Variants in TTC29 observed in about 807,000 individuals in gnomAD.
The protein encoded by TTC29 is tetratricopeptide repeat domain 29, also known as tetratricopeptide repeat protein 29.
TTC29 carries 49 observed loss-of-function variants against 58.1 expected under a neutral mutation model. The observed-to-expected ratio is 0.84, with a 90% CI of 0.67 to 1.07. The LOEUF (loss-of-function observed/expected upper bound fraction) is 1.07, where lower values mean the gene tolerates loss of function less well. TTC29 is among the 50% of genes least tolerant of loss of function. The pLI is 0.00. For synonymous variants in TTC29, 209 were observed against 196.8 expected, an observed-to-expected ratio of 1.06 and a Z score of -0.52; for missense variants, 582 against 555.6, an observed-to-expected ratio of 1.05 and a Z score of -0.48.
intron 10 of TTC29, among the ~76,000 whole-genome samples, chr4:146,810,588 C>CTTT (rs398051307): frequency 3.2e-3 from 307 of 96,210 alleles, no homozygotes; most frequent in Middle Eastern, 6.9e-3. Flanking sequence ...TACATACCTT[C>CTTT]TTTTTTTTTT....
chr4:146,883,770 G>A (rs1034981813), intron 6 of TTC29, among the ~76,000 whole-genome samples: 23 of 151,934 alleles, frequency 1.5e-4, no homozygotes, highest in African/African-American at 5.6e-4. Context: ...TCCTCTCCGT[G>A]CTACTCGTTA....
At chr4:146,749,821 T>A (rs1745844542) in intron 11 of TTC29, among the ~76,000 whole-genome samples, 1 of 151,918 alleles carries the variant, frequency 6.6e-6, no homozygotes. Flanking sequence ...TATGAGGGAA[T>A]CCTCAATAGA....
intron 11 of TTC29, among the ~76,000 whole-genome samples, chr4:146,725,895 C>T (rs1743749939): frequency 6.6e-6 from 1 of 152,064 alleles, no homozygotes; most frequent in African/African-American, 2.4e-5. Flanking sequence ...TTTTTAGAGT[C>T]AGGGTCTCAC....
intron 11 of TTC29, among the ~76,000 whole-genome samples, chr4:146,752,313 C>T (rs1208961775): frequency 5.5e-4 from 61 of 111,624 alleles, no homozygotes; most frequent in African/African-American, 2.6e-3. Context: ...AACTCCCATT[C>T]ACAATTGCTT....
Position 146,742,061 on chromosome 4 carries a change from C to G in TTC29, c.1331-34510G>C, listed in dbSNP as rs1041179161. Among the ~76,000 whole-genome samples, 4 of 152,314 alleles carry G rather than the reference C, an allele frequency of 2.6e-5. No homozygotes were observed. In the East Asian group the frequency reaches 7.7e-4, roughly 29 times the overall value. On this transcript the variant is annotated intron_variant, in intron 11 of 12. Transcript: ENST00000325106. ...AGAAGCCCACAGGGTCTAAATGGCACAGCTGGTAAATGGTGAGGCCATGAT... is the reference window on the plus strand; with the variant it reads ...AGAAGCCCACAGGGTCTAAATGGCAGAGCTGGTAAATGGTGAGGCCATGAT...
At chr4:146,775,285 G>A (rs989660795) in intron 11 of TTC29, among the ~76,000 whole-genome samples, 1 of 152,024 alleles carries the variant, frequency 6.6e-6, no homozygotes, top group South Asian at 2.1e-4. Context: ...TTGATCCTGT[G>A]ATCATTTTGT....
chr4:146,936,010 C>T (rs1385987216), intron 4 of TTC29, among the ~76,000 whole-genome samples: 1 of 152,100 alleles, frequency 6.6e-6, no homozygotes, highest in East Asian at 1.9e-4. Context: ...ATAATAATGA[C>T]CTGTGTACAA....
At chr4:146,860,941 A>G (rs1385466178) in intron 8 of TTC29, among the ~76,000 whole-genome samples, 1 of 152,190 alleles carries the variant, frequency 6.6e-6, no homozygotes, top group African/African-American at 2.4e-5. Context: ...TGCTTTGTAT[A>G]TGGAATAAAT....
chr4:146,792,363 C>T (rs1289638661), intron 11 of TTC29, among the ~76,000 whole-genome samples: 1 of 152,144 alleles, frequency 6.6e-6, no homozygotes, highest in Non-Finnish European at 1.5e-5. Flanking sequence ...ATAAATGGAA[C>T]AACAAAGACT....
chr4:146,858,320 G>A (rs1311596068), intron 8 of TTC29, among the ~76,000 whole-genome samples: 3 of 152,142 alleles, frequency 2.0e-5, no homozygotes, highest in African/African-American at 7.2e-5. Context: ...TGCTCTTTCT[G>A]TACCACAGTT....
chr4:146,846,736 G>A (rs1729197804), intron 8 of TTC29, among the ~76,000 whole-genome samples: 1 of 152,176 alleles, frequency 6.6e-6, no homozygotes, highest in South Asian at 2.1e-4. Flanking sequence ...TGATTACCAT[G>A]AGGAAATCTG....
chr4:146,730,082 G>A (rs907810819), intron 11 of TTC29, among the ~76,000 whole-genome samples: 13 of 151,782 alleles, frequency 8.6e-5, no homozygotes, highest in Admixed American at 2.6e-4. Flanking sequence ...TTTTTATAAG[G>A]GTTTTCATTG....
chr4:146,923,951 A>T (rs1734762348), intron 4 of TTC29, among the ~76,000 whole-genome samples: 1 of 150,476 alleles, frequency 6.6e-6, no homozygotes, highest in Admixed American at 6.6e-5. Context: ...ATATATGTAC[A>T]TGTATGTGTA....
At chr4:146,759,783 C>A (rs997210569) in intron 11 of TTC29, among the ~76,000 whole-genome samples, 2 of 151,952 alleles carry the variant, frequency 1.3e-5, no homozygotes, top group Admixed American at 1.3e-4. Flanking sequence ...AAGGGACATA[C>A]CTTAATGTAG....
chr4:146,799,345 A>G (rs2150113275), intron 11 of TTC29, among the ~76,000 whole-genome samples: 1 of 152,312 alleles, frequency 6.6e-6, no homozygotes. Context: ...ATTGTAATAA[A>G]AGCTGAGGAT....
Position 146,820,283 on chromosome 4 carries a change from C to A in TTC29, c.978-35G>T. 1.3e-6 allele frequency: 2 copies of A among 1,597,912 alleles called. 1 individual carries two copies. Among genetic ancestry groups the A allele is most frequent in the South Asian group, 2.2e-5 (2 of 89,652 alleles). ...ATGAAATAGGAAGTCAATGGAGTATCATCTCACTTAATGTCACAGTAAAGA... is the reference window on the plus strand; with the variant it reads ...ATGAAATAGGAAGTCAATGGAGTATAATCTCACTTAATGTCACAGTAAAGA... On this transcript the variant is annotated intron_variant, in intron 9 of 12. Coordinates refer to ENST00000325106, the MANE Select transcript of TTC29 (RefSeq NM_031956.4).
intron 9 of TTC29, among the ~76,000 whole-genome samples, chr4:146,825,144 C>G (rs1334674264): frequency 6.6e-6 from 1 of 152,106 alleles, no homozygotes; most frequent in Non-Finnish European, 1.5e-5. Context: ...CTTCTGCTAG[C>G]TTTTGGATTA....
chr4:146,860,434 T>C (rs554224602), intron 8 of TTC29, among the ~76,000 whole-genome samples: 1 of 152,292 alleles, frequency 6.6e-6, no homozygotes, highest in Non-Finnish European at 1.5e-5. Context: ...GAATATTTTT[T>C]CTGATACAGT....
chr4:146,910,478 G>T (rs988889040), intron 4 of TTC29, among the ~76,000 whole-genome samples: 1 of 151,994 alleles, frequency 6.6e-6, no homozygotes, highest in Admixed American at 6.6e-5. Flanking sequence ...GATCAACTTA[G>T]GTAGAGAACA....
Sources: allele counts gnomAD v4.1 joint callset (sites outside exome capture counted in the v4.1 genomes callset), GRCh38; gene constraint gnomAD v4.1.1; transcripts MANE v1.5; gene names NCBI Gene and HGNC (gene_info 2026-07-23, HGNC 2026-07-21).